Variants in BRD7 observed in about 807,000 individuals in gnomAD.
BRD7 encodes bromodomain-containing protein 7.
BRD7 carries 15 observed loss-of-function variants against 82.1 expected under a neutral mutation model. The ratio of observed to expected loss-of-function variants is 0.18; its 90% CI spans 0.12 to 0.28. The LOEUF (loss-of-function observed/expected upper bound fraction) is 0.28, where lower values mean the gene tolerates loss of function less well. Ranked by LOEUF, BRD7 falls within the 10% of genes least tolerant of loss-of-function variation. The pLI is 1.00. For missense variants in BRD7, 638 were observed against 779.9 expected, an observed-to-expected ratio of 0.82 and a Z score of 2.17; for synonymous variants, 232 against 266.9, an observed-to-expected ratio of 0.87 and a Z score of 1.27.
At chr16:50,345,277 G>A (rs578126536) in intron 5 of BRD7, among the ~76,000 whole-genome samples, 2 of 152,250 alleles carry the variant, frequency 1.3e-5, no homozygotes, top group South Asian at 2.1e-4. Context: ...AGCACTAAAC[G>A]TGGAAAGGAA....
At chr16:50,348,846 G>A (rs2038395822) in intron 5 of BRD7, among the ~76,000 whole-genome samples, 1 of 152,190 alleles carries the variant, frequency 6.6e-6, no homozygotes, top group Admixed American at 6.5e-5. Flanking sequence ...AAGACAGTGT[G>A]GCGATTCCTC....
chr16:50,342,046 T>C lies in BRD7; in HGVS notation c.592-1960A>G, dbSNP rs554572335. On this transcript the variant is annotated intron_variant, in intron 5 of 16. Transcript: ENST00000394688. ...CTTTCCCTAGAAAAAAGTGGCAACG[T>C]AGAAATTCTAAAGAGCTAAGATACC... is the stretch of plus-strand genomic sequence containing the variant. Among the ~76,000 whole-genome samples the C allele has an allele frequency of 3.9e-4, 60 of 152,106 alleles. No homozygotes were observed. The East Asian group carries it at 7.5e-3, about 19-fold the overall frequency.
At chr16:50,349,302 G>C (rs1166882784) in intron 5 of BRD7, 1 of 271,690 alleles carries the variant, frequency 3.7e-6, no homozygotes, top group Admixed American at 5.0e-5. Context: ...TGTAAATGAT[G>C]AGTTAATGGG....
At chr16:50,321,865 A>T in intron 13 of BRD7, 117 bp downstream of exon 13, 1 of 897,314 alleles carries the variant, frequency 1.1e-6, no homozygotes. Context: ...AGGCCCTCAC[A>T]ACTCTACTCA....
intron 5 of BRD7, among the ~76,000 whole-genome samples, chr16:50,343,301 C>T (rs576997347): frequency 1.3e-5 from 2 of 152,272 alleles, no homozygotes; most frequent in East Asian, 1.9e-4. Flanking sequence ...GATAATGAGT[C>T]CTCACAAGAT....
intron 2 of BRD7, among the ~76,000 whole-genome samples, chr16:50,367,788 T>C (rs1433724469): frequency 6.6e-6 from 1 of 152,226 alleles, no homozygotes; most frequent in Non-Finnish European, 1.5e-5. Flanking sequence ...ACACTGAGGC[T>C]TTCTTGAGCA....
intron 11 of BRD7, among the ~76,000 whole-genome samples, 177 bp downstream of exon 11, chr16:50,325,571 T>C (rs2037301259): frequency 6.6e-6 from 1 of 152,094 alleles, no homozygotes; most frequent in African/African-American, 2.4e-5. Flanking sequence ...GGAGACATGC[T>C]CTCTCTCTCC....
chr16:50,363,656 TGTGTGC>T (rs2039018476), intron 2 of BRD7, among the ~76,000 whole-genome samples: 1 of 51,004 alleles, frequency 2.0e-5, no homozygotes, highest in South Asian at 5.9e-4. Flanking sequence ...TGTGTGTGTG[TGTGTGC>T]GCGCGCGCGC....
intron 2 of BRD7, among the ~76,000 whole-genome samples, chr16:50,359,576 CA>C (rs1281779833): frequency 6.6e-6 from 1 of 151,974 alleles, no homozygotes; most frequent in Non-Finnish European, 1.5e-5. Flanking sequence ...ATAACTCATT[CA>C]AAAAACAAAC....
In BRD7 at chr16:50,320,028, C is replaced by A; in HGVS notation, c.1759G>T (p.Glu587Ter). The change falls in exon 16 of 17, where the codon GAA becomes TAA. Residue 587 changes from glutamate to a stop codon, truncating the protein, a stop_gained and splice_region_variant. Transcript: ENST00000394688. LOFTEE classifies it high-confidence loss of function. ...TCTTTAAGATTATTGGTCACTTGTT[C>A]AGCTAAAAAGAAAAACAAAGTTCCA... ...GPSYREMHLA[E>*]QVTNNLKELA... 1 of 1,603,396 alleles carries A rather than the reference C, an allele frequency of 6.2e-7. No individual in the cohort carries two copies. Among genetic ancestry groups the A allele is most frequent in the South Asian group, 1.1e-5 (1 of 89,072 alleles).
At chr16:50,341,642 C>CA (rs5816690) in intron 5 of BRD7, among the ~76,000 whole-genome samples, 1,871 of 106,126 alleles carry the variant, frequency 0.018, 70 homozygotes, top group African/African-American at 0.057. Context: ...GACTCGGTCT[C>CA]AAAAAAAAAA....
At chr16:50,355,900 T>G (rs1280862914) in intron 2 of BRD7, among the ~76,000 whole-genome samples, 1 of 152,198 alleles carries the variant, frequency 6.6e-6, no homozygotes, top group Non-Finnish European at 1.5e-5. Context: ...AACGATAGAC[T>G]GAGATAAAGT....
At chr16:50,325,995 T>C in intron 10 of BRD7, 112 bp from the exon 11 acceptor site, 1 of 1,125,114 alleles carries the variant, frequency 8.9e-7, no homozygotes, top group Non-Finnish European at 1.2e-6. Flanking sequence ...CATTGGCTGG[T>C]TTGCAAATCT....
chr16:50,352,883 C>T (rs1189156279), intron 4 of BRD7, among the ~76,000 whole-genome samples: 1 of 151,956 alleles, frequency 6.6e-6, no homozygotes, highest in African/African-American at 2.4e-5. Context: ...ACATTCTGGC[C>T]TTACGTTGCA....
At chr16:50,334,642 A>C in intron 7 of BRD7, 69 bp downstream of exon 7, 2 of 1,551,364 alleles carry the variant, frequency 1.3e-6, no homozygotes, top group Admixed American at 1.9e-5. Context: ...TCAGGCCCCG[A>C]ATAAGTATTT....
intron 8 of BRD7, among the ~76,000 whole-genome samples, chr16:50,332,263 A>G (rs1166038549): frequency 7.5e-6 from 1 of 133,450 alleles, no homozygotes; most frequent in African/African-American, 3.0e-5. Context: ...CTACGCATCC[A>G]ATAAAGGACT....
chr16:50,325,535 TA>T (rs2037299435), intron 11 of BRD7, among the ~76,000 whole-genome samples: 2 of 152,182 alleles, frequency 1.3e-5, no homozygotes, highest in African/African-American at 4.8e-5. Context: ...TTTTAAAAAT[TA>T]AAATACTGCA....
At chr16:50,353,761 T>C (rs2038628348) in intron 4 of BRD7, among the ~76,000 whole-genome samples, 1 of 668 alleles carries the variant, frequency 1.5e-3, no homozygotes, top group Non-Finnish European at 8.8e-3. Context: ...GCCTGGCAAT[T>C]TTTTTTTTTT....
At chr16:50,341,034 G>C (rs775133491) in intron 5 of BRD7, among the ~76,000 whole-genome samples, 4 of 152,144 alleles carry the variant, frequency 2.6e-5, no homozygotes, top group Non-Finnish European at 5.9e-5. Flanking sequence ...GTACAAGTAC[G>C]TAAGACTGAG....
Sources: gnomAD v4.1 joint callset for allele counts (sites outside exome capture counted in the v4.1 genomes callset) on GRCh38, gnomAD v4.1.1 for gene constraint, MANE v1.5 for transcripts, NCBI Gene and HGNC (gene_info 2026-07-23, HGNC 2026-07-21) for gene names.